The following SRGAP2 variants were observed in gnomAD, a reference collection of about 807,000 sequenced individuals.
SRGAP2 encodes the protein SLIT-ROBO Rho GTPase-activating protein 2.
SRGAP2 carries 15 observed loss-of-function variants against 57.2 expected under a neutral mutation model. The observed-to-expected ratio is 0.26, with a 90% CI of 0.18 to 0.40. The LOEUF is 0.40. Among genes scored for constraint, SRGAP2 ranks in the 10% least tolerant of loss-of-function variants. SRGAP2 has a pLI of 1.00. For missense variants in SRGAP2, 520 were observed against 669.6 expected (o/e 0.78, Z 2.47); for synonymous variants, 249 against 248.0 (o/e 1.00, Z -0.04).
chr1:206,449,286 ATTTT>A (rs35698284), intron 18 of SRGAP2, among the ~76,000 whole-genome samples: 2 of 110,676 alleles, frequency 1.8e-5, no homozygotes, highest in Non-Finnish European at 1.8e-5. Flanking sequence ...ACACTGGATG[ATTTT>A]TTTTTTTTTT....
At chr1:206,439,350 A>G (rs1662063251) in intron 16 of SRGAP2, among the ~76,000 whole-genome samples, 1 of 151,980 alleles carries the variant, frequency 6.6e-6, no homozygotes, top group Admixed American at 6.5e-5. Context: ...GGGGCCTGCT[A>G]CCTCTTGCCT....
intron 4 of SRGAP2, among the ~76,000 whole-genome samples, chr1:206,354,146 T>C (rs868942175): frequency 7.5e-4 from 114 of 152,338 alleles, no homozygotes; most frequent in Middle Eastern, 3.4e-3. Context: ...GGTCTGTTTA[T>C]TGATTTTCCT....
chr1:206,451,115 T>TG (rs1663246896), intron 19 of SRGAP2, among the ~76,000 whole-genome samples: 1 of 69,246 alleles, frequency 1.4e-5, no homozygotes, highest in African/African-American at 6.0e-5. Context: ...AGACCCTGTC[T>TG]AAAAAAAAAA....
At chr1:206,319,929 C>T (rs1264674855) in intron 3 of SRGAP2, among the ~76,000 whole-genome samples, 1 of 150,522 alleles carries the variant, frequency 6.6e-6, no homozygotes, top group African/African-American at 2.5e-5. Flanking sequence ...GTGCCTCAGC[C>T]TCCCAAGTAC....
intron 4 of SRGAP2, among the ~76,000 whole-genome samples, chr1:206,360,233 A>G (rs1676805320): frequency 6.7e-6 from 1 of 149,338 alleles, no homozygotes; most frequent in Admixed American, 6.7e-5. Flanking sequence ...AGGCAGAGAT[A>G]ATAGTGCACA....
chr1:206,328,430 TAA>T (rs1674128920), intron 3 of SRGAP2, among the ~76,000 whole-genome samples: 1 of 41,824 alleles, frequency 2.4e-5, no homozygotes, highest in Non-Finnish European at 4.3e-5. Context: ...ACCAACAGTG[TAA>T]AAGTGTTCCT....
chr1:206,459,563 T>C (rs1445904720), intron 22 of SRGAP2, among the ~76,000 whole-genome samples: 1 of 151,576 alleles, frequency 6.6e-6, no homozygotes, highest in African/African-American at 2.4e-5. Flanking sequence ...CTGATGACTC[T>C]CTGTTTTCCA....
intron 17 of SRGAP2, among the ~76,000 whole-genome samples, chr1:206,443,536 G>T (rs781868285): frequency 2.6e-5 from 4 of 152,032 alleles, no homozygotes; most frequent in Non-Finnish European, 4.4e-5. Flanking sequence ...CTCCACGCCA[G>T]ACTAATTTTT....
intron 3 of SRGAP2, among the ~76,000 whole-genome samples, chr1:206,305,657 G>A (rs1672147695): frequency 6.6e-6 from 1 of 150,776 alleles, no homozygotes. Context: ...TATAGTAGAT[G>A]CGCACTAAAT....
At chr1:206,320,621 T>TA (rs1274884325) in intron 3 of SRGAP2, among the ~76,000 whole-genome samples, 1 of 149,078 alleles carries the variant, frequency 6.7e-6, no homozygotes, top group East Asian at 2.0e-4. Context: ...AATATACACT[T>TA]ACTGCCAAAG....
intron 15 of SRGAP2, among the ~76,000 whole-genome samples, chr1:206,437,244 G>A (rs11120206): frequency 0.042 from 6,453 of 152,160 alleles, 328 homozygotes; most frequent in African/African-American, 0.12. Context: ...TTCTTCTTTC[G>A]TAGCCCTACC....
chr1:206,422,029 C>T (rs1660363075), intron 13 of SRGAP2, among the ~76,000 whole-genome samples: 1 of 152,210 alleles, frequency 6.6e-6, no homozygotes. Flanking sequence ...GTCCCCTAAG[C>T]TCATACCAGC....
intron 4 of SRGAP2, among the ~76,000 whole-genome samples, chr1:206,359,031 G>C (rs1676685465): frequency 6.6e-6 from 1 of 152,204 alleles, no homozygotes; most frequent in Non-Finnish European, 1.5e-5. Flanking sequence ...TCATAGAGGG[G>C]AAAGAATTGG....
chr1:206,272,933 T>A (rs1670210388), intron 2 of SRGAP2, among the ~76,000 whole-genome samples: 1 of 152,144 alleles, frequency 6.6e-6, no homozygotes, highest in African/African-American at 2.4e-5. Flanking sequence ...AAAAAACATT[T>A]AAAATAACAT....
chr1:206,337,243 A>G (rs1674845623), intron 3 of SRGAP2, among the ~76,000 whole-genome samples: 1 of 135,030 alleles, frequency 7.4e-6, no homozygotes. Flanking sequence ...TAGGGAAAGG[A>G]CAGTGGGAGA....
At chr1:206,436,277 C>T (rs1189213774) in intron 14 of SRGAP2, among the ~76,000 whole-genome samples, 1 of 152,064 alleles carries the variant, frequency 6.6e-6, no homozygotes, top group Non-Finnish European at 1.5e-5. Flanking sequence ...GTTAAAACAG[C>T]TAAAGCAATA....
At position 206,461,342 on chromosome 1, in the gene SRGAP2, C is replaced by T. The variant is rs1553380689; in HGVS notation, c.3138C>T (p.Phe1046=). The T allele has an allele frequency of 1.3e-6, 1 of 780,958 alleles. No individual in the cohort carries two copies. Among genetic ancestry groups the T allele is most frequent in the Admixed American group, 1.7e-5 (1 of 59,050 alleles). 48.4% of individuals were successfully genotyped at this position (780,958 alleles called of 1,614,324 possible). A position where few individuals can be genotyped will look rare whatever the true frequency, so the allele number is the denominator to read the frequency against. ...PPATRPKPTV[F]PKTNATSPGV... is the part of the protein sequence containing the mutation. ...CCACACGGCCCAAGCCCACTGTCTT[C>T]CCCAAAACAAATGCCACTAGCCCTG... is the stretch of plus-strand genomic sequence containing the variant. Residue 1046 remains phenylalanine (F), a synonymous_variant, in exon 23 of 23, where the codon TTC becomes TTT. Transcript: ENST00000573034.
At chr1:206,325,701 A>T (rs1306051845) in intron 3 of SRGAP2, among the ~76,000 whole-genome samples, 1 of 151,816 alleles carries the variant, frequency 6.6e-6, no homozygotes, top group Non-Finnish European at 1.5e-5. Context: ...GAGAAATGCT[A>T]GTTGGTGACC....
At chr1:206,429,725 T>A (rs1182263798) in intron 13 of SRGAP2, among the ~76,000 whole-genome samples, 1 of 152,158 alleles carries the variant, frequency 6.6e-6, no homozygotes, top group Non-Finnish European at 1.5e-5. Context: ...TGTGCCCTTT[T>A]AAGATTACCT....
Sources: gnomAD v4.1 joint callset for allele counts (sites outside exome capture counted in the v4.1 genomes callset) on GRCh38, gnomAD v4.1.1 for gene constraint, MANE v1.5 for transcripts, NCBI Gene and HGNC (gene_info 2026-07-23, HGNC 2026-07-21) for gene names.